Variants in GPR158 observed in about 807,000 individuals in gnomAD.
GPR158 encodes the protein metabotropic glycine receptor.
GPR158 carries 30 observed loss-of-function variants against 78.2 expected under a neutral mutation model. The ratio of observed to expected loss-of-function variants is 0.38; its 90% CI spans 0.29 to 0.52. The LOEUF is 0.52. Among genes scored for constraint, GPR158 ranks in the 20% least tolerant of loss-of-function variants. The probability of loss-of-function intolerance (pLI) is 0.83; values close to 1 mark genes in which losing one functional copy is unlikely to be tolerated. For synonymous variants in GPR158, 581 were observed against 591.1 expected, an observed-to-expected ratio of 0.98 and a Z score of 0.25; for missense variants, 1,463 against 1,523.5, an observed-to-expected ratio of 0.96 and a Z score of 0.66.
intron 2 of GPR158, among the ~76,000 whole-genome samples, chr10:25,390,410 C>T (rs1834278271): frequency 6.6e-6 from 1 of 152,190 alleles, no homozygotes; most frequent in African/African-American, 2.4e-5. Flanking sequence ...GAAGTCCAGG[C>T]TGAGCTGTTC....
chr10:25,521,064 G>A (rs974662721), intron 5 of GPR158, among the ~76,000 whole-genome samples: 3 of 152,198 alleles, frequency 2.0e-5, no homozygotes, highest in East Asian at 1.9e-4. Flanking sequence ...ATATAGTCTC[G>A]TGGTGCGCCA....
intron 5 of GPR158, among the ~76,000 whole-genome samples, chr10:25,490,759 G>A (rs1304513990): frequency 2.0e-5 from 3 of 149,758 alleles, no homozygotes; most frequent in Non-Finnish European, 4.4e-5. Context: ...ACATATGTGT[G>A]CATGTGTCTT....
intron 5 of GPR158, among the ~76,000 whole-genome samples, chr10:25,528,583 A>T (rs1836381870): frequency 6.6e-6 from 1 of 151,818 alleles, no homozygotes. Context: ...TTATTAAAAA[A>T]TGTGCAAGAA....
chr10:25,590,394 A>T (rs1339450768), intron 8 of GPR158, among the ~76,000 whole-genome samples: 1 of 152,100 alleles, frequency 6.6e-6, no homozygotes, highest in African/African-American at 2.4e-5. Context: ...GAAATATAAG[A>T]TTATAAATAC....
intron 1 of GPR158, among the ~76,000 whole-genome samples, chr10:25,180,841 A>G (rs541071730): frequency 1.3e-5 from 2 of 152,208 alleles, no homozygotes; most frequent in South Asian, 4.1e-4. Flanking sequence ...AAACCAAGTG[A>G]ATGTTAGACC....
chr10:25,600,710 C>T lies in GPR158; in HGVS notation c.*1436C>T, dbSNP rs1837485360. 1 of 152,550 alleles carries T rather than the reference C, an allele frequency of 6.6e-6. No homozygotes were observed. Among genetic ancestry groups the T allele is most frequent in the African/African-American group, 2.4e-5 (1 of 41,430 alleles). The allele number at this position is 152,550 out of a possible 1,614,324, so 9.4% of individuals were successfully genotyped here. A position where few individuals can be genotyped will look rare whatever the true frequency, so the allele number is the denominator to read the frequency against. ...TATGGAATCTTCATTCTCCCAAGCA[C>T]TGGAAAATGTCTAAGTCCTGCAAAT... On this transcript the variant is annotated 3_prime_UTR_variant, in exon 11 of 11. Coordinates refer to ENST00000376351, the MANE Select transcript of GPR158 (RefSeq NM_020752.3).
chr10:25,537,930 G>A lies in GPR158; in HGVS notation c.1405-13046G>A, dbSNP rs117879367. On this transcript the variant is annotated intron_variant, in intron 5 of 10. Transcript: ENST00000376351. ...CAGCCATGCTTCCTGTAGAGCCTGC[G>A]GAACTGTGAGCCAATTAAACCTCTC... 9.2e-3 allele frequency among the ~76,000 whole-genome samples: 1,406 copies of A among 152,152 alleles called. 10 individuals are homozygous for A. Among genetic ancestry groups the A allele is most frequent in the Non-Finnish European group, 0.015 (1,027 of 68,002 alleles).
intron 2 of GPR158, among the ~76,000 whole-genome samples, chr10:25,276,061 G>GA (rs1217668538): frequency 1.2e-4 from 18 of 152,178 alleles, no homozygotes; most frequent in South Asian, 4.2e-4. Flanking sequence ...GAAAACAGCT[G>GA]AAAAACACAT....
intron 2 of GPR158, among the ~76,000 whole-genome samples, chr10:25,296,297 G>A (rs1284607073): frequency 6.6e-6 from 1 of 152,084 alleles, no homozygotes; most frequent in Non-Finnish European, 1.5e-5. Flanking sequence ...CCTGAGAAAG[G>A]GGTAGCTGTG....
At position 25,564,451 on chromosome 10, in the gene GPR158, G is replaced by A. The variant is rs367924668; in HGVS notation, c.1515-8198G>A. Among the ~76,000 whole-genome samples, 283 of 152,074 alleles carry A rather than the reference G, an allele frequency of 1.9e-3. 13 individuals carry two copies. In the South Asian group the frequency reaches 0.056, roughly 30 times the overall value. On this transcript the variant is annotated intron_variant, in intron 6 of 10. Coordinates refer to ENST00000376351, the MANE Select transcript of GPR158 (RefSeq NM_020752.3). ...TGTCTTAACCATTATTCATTGTCCC[G>A]GGTAGCATTGACTAATCCACTTGCC...
chr10:25,314,501 C>T (rs376046894), intron 2 of GPR158, among the ~76,000 whole-genome samples: 26 of 151,884 alleles, frequency 1.7e-4, no homozygotes, highest in African/African-American at 6.3e-4. Flanking sequence ...TTCTCTTTCC[C>T]TCCTCTTAAA....
At chr10:25,344,216 T>C (rs2130510020) in intron 2 of GPR158, among the ~76,000 whole-genome samples, 1 of 152,124 alleles carries the variant, frequency 6.6e-6, no homozygotes. Context: ...GATGGTGTTT[T>C]ATTTCGCGTT....
At chr10:25,420,435 G>A (rs2104701) in intron 4 of GPR158, among the ~76,000 whole-genome samples, 37,444 of 152,034 alleles carry the variant, frequency 0.25, 5,164 homozygotes, top group African/African-American at 0.37. Flanking sequence ...TTACCAGCAT[G>A]AGCCACCTTA....
At chr10:25,433,920 G>C (rs1834960095) in intron 4 of GPR158, among the ~76,000 whole-genome samples, 1 of 152,010 alleles carries the variant, frequency 6.6e-6, no homozygotes, top group Admixed American at 6.5e-5. Flanking sequence ...AGCACTTTGG[G>C]AGGCCGAGGT....
At chr10:25,260,314 A>G (rs972154388) in intron 2 of GPR158, among the ~76,000 whole-genome samples, 25 of 152,096 alleles carry the variant, frequency 1.6e-4, no homozygotes, top group African/African-American at 6.0e-4. Flanking sequence ...TGCATATATT[A>G]TGAGGCCATG....
chr10:25,356,558 A>C (rs910784757), intron 2 of GPR158, among the ~76,000 whole-genome samples: 1 of 152,042 alleles, frequency 6.6e-6, no homozygotes, highest in African/African-American at 2.4e-5. Flanking sequence ...CATGCTGTTC[A>C]TGTGATAGTA....
chr10:25,600,596 T>C lies in GPR158; in HGVS notation c.*1322T>C, dbSNP rs1459475338. ...TAAAGTATTTATTCTCATAAACTCT[T>C]ATTCATTGCTTCAGCTACAGGTAGA... On this transcript the variant is annotated 3_prime_UTR_variant, in exon 11 of 11. Coordinates refer to ENST00000376351, the MANE Select transcript of GPR158 (RefSeq NM_020752.3). 6.6e-6 allele frequency: 1 copy of C among 152,618 alleles called. No homozygotes were observed. Among genetic ancestry groups the C allele is most frequent in the African/African-American group, 2.4e-5 (1 of 41,462 alleles). 9.5% of individuals were successfully genotyped at this position (152,618 alleles called of 1,614,324 possible).
At chr10:25,383,172 T>A (rs1184212976) in intron 2 of GPR158, among the ~76,000 whole-genome samples, 2 of 152,232 alleles carry the variant, frequency 1.3e-5, no homozygotes, top group East Asian at 1.9e-4. Context: ...TATTTCTTCA[T>A]AAGTTACAAA....
intron 7 of GPR158, among the ~76,000 whole-genome samples, chr10:25,575,187 A>G (rs1837073888): frequency 6.6e-6 from 1 of 152,184 alleles, no homozygotes; most frequent in Admixed American, 6.5e-5. Flanking sequence ...TAGGTGGTTG[A>G]GTATATTGTG....
Sources: allele counts gnomAD v4.1 joint callset (sites outside exome capture counted in the v4.1 genomes callset), GRCh38; gene constraint gnomAD v4.1.1; transcripts MANE v1.5; gene names NCBI Gene and HGNC (gene_info 2026-07-23, HGNC 2026-07-21).